CPQ: variants seen among roughly 807,000 people sequenced by gnomAD.
The protein encoded by CPQ is Ser-Met dipeptidase.
Under a neutral mutation model 45.7 loss-of-function variants are expected in CPQ, and 37 were observed. That is an observed-to-expected ratio of 0.81 (90% CI 0.62 to 1.07). The LOEUF is 1.07. CPQ is among the 50% of genes least tolerant of loss of function. CPQ has a pLI of 0.00. For missense variants in CPQ, 537 were observed against 572.9 expected (o/e 0.94, Z 0.64); for synonymous variants, 186 against 205.8 (o/e 0.90, Z 0.82).
intron 1 of CPQ, among the ~76,000 whole-genome samples, chr8:96,686,312 A>T (rs1809226257): frequency 6.6e-6 from 1 of 152,100 alleles, no homozygotes; most frequent in Non-Finnish European, 1.5e-5. Context: ...ATTAAGCATG[A>T]CATGCTGGCT....
At chr8:96,847,069 G>C (rs1423384426) in intron 3 of CPQ, among the ~76,000 whole-genome samples, 2 of 152,132 alleles carry the variant, frequency 1.3e-5, no homozygotes, top group Non-Finnish European at 2.9e-5. Context: ...CATCACATAA[G>C]GAAACAAATA....
intron 4 of CPQ, among the ~76,000 whole-genome samples, chr8:96,943,232 T>C (rs918001718): frequency 3.8e-4 from 58 of 152,294 alleles, no homozygotes; most frequent in African/African-American, 1.3e-3. Context: ...AAGTAAATTA[T>C]TAAGAATTTC....
chr8:97,058,803 CTAT>C (rs776514120), intron 6 of CPQ, among the ~76,000 whole-genome samples: 8 of 152,046 alleles, frequency 5.3e-5, no homozygotes, highest in Admixed American at 6.6e-5. Flanking sequence ...CCCACTACTT[CTAT>C]TATTATTATA....
chr8:97,127,158 A>C (rs888712235), intron 7 of CPQ, among the ~76,000 whole-genome samples: 1 of 152,200 alleles, frequency 6.6e-6, no homozygotes, highest in African/African-American at 2.4e-5. Flanking sequence ...AGAAATTGAT[A>C]AGTTGGACAT....
intron 7 of CPQ, among the ~76,000 whole-genome samples, chr8:97,111,590 G>T (rs1458714818): frequency 2.6e-5 from 4 of 152,110 alleles, no homozygotes; most frequent in Admixed American, 1.3e-4. Flanking sequence ...CCATCATCTT[G>T]AAGCAATAAA....
At chr8:97,026,764 C>G (rs1332090826) in intron 5 of CPQ, among the ~76,000 whole-genome samples, 1 of 152,222 alleles carries the variant, frequency 6.6e-6, no homozygotes, top group African/African-American at 2.4e-5. Context: ...TAGCATTCCT[C>G]ACTTCAAATC....
intron 4 of CPQ, among the ~76,000 whole-genome samples, chr8:96,937,863 G>C (rs1235780481): frequency 6.6e-6 from 1 of 152,158 alleles, no homozygotes; most frequent in Non-Finnish European, 1.5e-5. Flanking sequence ...TTCCTTAGAC[G>C]CTCCTATCAT....
In CPQ at chr8:97,122,979, AATTAAAATAAAATAAAATAAAAT is replaced by A; in HGVS notation, c.1256-20038_1256-20016del. Among the ~76,000 whole-genome samples the A allele has an allele frequency of 4.5e-5, 3 of 66,802 alleles. 1 individual carries two copies. Among genetic ancestry groups the A allele is most frequent in the East Asian group, 5.3e-4 (1 of 1,876 alleles). The allele number at this position is 66,802 out of a possible 152,430, so 43.8% of individuals were successfully genotyped here. A position where few individuals can be genotyped will look rare whatever the true frequency, so the allele number is the denominator to read the frequency against. On this transcript the variant is annotated intron_variant, in intron 7 of 7. Coordinates refer to ENST00000220763, the MANE Select transcript of CPQ (RefSeq NM_016134.4). ...AATAAAATAAAATAAAATAAAATAAAATTAAAATAAAATAAAATAAAATATAAAATAAAATAAAATAAAATAAA... is the reference window on the plus strand; with the variant it reads ...AATAAAATAAAATAAAATAAAATAAAATAAAATAAAATAAAATAAAATAAA...
chr8:96,931,897 G>A (rs1323716612), intron 4 of CPQ, among the ~76,000 whole-genome samples: 1 of 152,170 alleles, frequency 6.6e-6, no homozygotes, highest in East Asian at 1.9e-4. Context: ...TAGTTGCCTT[G>A]AATCATCATT....
chr8:96,669,598 G>A (rs1158638983), intron 1 of CPQ, among the ~76,000 whole-genome samples: 1 of 152,106 alleles, frequency 6.6e-6, no homozygotes, highest in African/African-American at 2.4e-5. Context: ...ACAAAAAACA[G>A]AGAAGAAAAA....
chr8:97,038,686 C>CT (rs764874633), intron 6 of CPQ, among the ~76,000 whole-genome samples: 82 of 146,694 alleles, frequency 5.6e-4, no homozygotes, highest in Middle Eastern at 3.6e-3. Flanking sequence ...GGTTGGCAAA[C>CT]TTTTTTTTTT....
intron 4 of CPQ, among the ~76,000 whole-genome samples, chr8:96,891,807 G>A (rs1210269403): frequency 6.6e-6 from 1 of 152,174 alleles, no homozygotes; most frequent in African/African-American, 2.4e-5. Flanking sequence ...ATAGAAGGTG[G>A]TAAGTGCCAC....
intron 6 of CPQ, among the ~76,000 whole-genome samples, chr8:97,065,590 A>G (rs1275515867): frequency 2.0e-5 from 3 of 152,218 alleles, no homozygotes; most frequent in East Asian, 1.9e-4. Context: ...GTGCAAAGAA[A>G]TAAGTTCACA....
chr8:96,959,544 C>T (rs535729456), intron 4 of CPQ, among the ~76,000 whole-genome samples: 2 of 152,182 alleles, frequency 1.3e-5, no homozygotes, highest in Admixed American at 6.5e-5. Context: ...ATGACCCTAA[C>T]GCTCACTGCT....
chr8:96,788,459 C>T (rs1369672814), intron 2 of CPQ, among the ~76,000 whole-genome samples: 1 of 152,134 alleles, frequency 6.6e-6, no homozygotes, highest in Non-Finnish European at 1.5e-5. Context: ...CATGCCCGGC[C>T]TGGACTCCAT....
chr8:96,913,692 C>T (rs1016868600), intron 4 of CPQ, among the ~76,000 whole-genome samples: 12 of 152,246 alleles, frequency 7.9e-5, no homozygotes, highest in African/African-American at 2.2e-4. Flanking sequence ...CTAAAGTTTT[C>T]GAAGAGTCAG....
At chr8:96,758,487 C>T (rs1460889412) in intron 1 of CPQ, among the ~76,000 whole-genome samples, 1 of 152,188 alleles carries the variant, frequency 6.6e-6, no homozygotes, top group African/African-American at 2.4e-5. Flanking sequence ...TTTTTATACT[C>T]ATAGTAATTC....
chr8:96,833,562 T>C (rs1426878020), intron 2 of CPQ, among the ~76,000 whole-genome samples: 1 of 152,206 alleles, frequency 6.6e-6, no homozygotes, highest in Non-Finnish European at 1.5e-5. Context: ...GCCAGTCAAA[T>C]TTCAAGGTAA....
At chr8:96,878,254 C>G (rs1812174741) in intron 3 of CPQ, among the ~76,000 whole-genome samples, 1 of 152,170 alleles carries the variant, frequency 6.6e-6, no homozygotes, top group African/African-American at 2.4e-5. Flanking sequence ...GCATGAGCCA[C>G]CATGCCCGGC....
Sources: gnomAD v4.1 joint callset for allele counts (sites outside exome capture counted in the v4.1 genomes callset) on GRCh38, gnomAD v4.1.1 for gene constraint, MANE v1.5 for transcripts, NCBI Gene and HGNC (gene_info 2026-07-23, HGNC 2026-07-21) for gene names.